Variants in DLGAP2 observed in about 807,000 individuals in gnomAD.
The protein encoded by DLGAP2 is DLG associated protein 2.
Under a neutral mutation model 100.3 loss-of-function variants are expected in DLGAP2, and 26 were observed. The observed-to-expected ratio is 0.26, with a 90% CI of 0.19 to 0.36. The LOEUF (loss-of-function observed/expected upper bound fraction) is 0.36, where lower values mean the gene tolerates loss of function less well. Among genes scored for constraint, DLGAP2 ranks in the 10% least tolerant of loss-of-function variants. DLGAP2 has a pLI of 1.00. For synonymous variants in DLGAP2, 886 were observed against 630.1 expected, an observed-to-expected ratio of 1.41 and a Z score of -6.08; for missense variants, 1,858 against 1,453.2, an observed-to-expected ratio of 1.28 and a Z score of -4.53.
chr8:1,626,302 G>A (rs1449590131), intron 6 of DLGAP2, among the ~76,000 whole-genome samples: 2 of 115,190 alleles, frequency 1.7e-5, no homozygotes, highest in East Asian at 2.5e-4. Flanking sequence ...TCTGCCCTGT[G>A]GTGGGTGCTC....
chr8:1,213,421 A>G (rs1798147031), intron 2 of DLGAP2, among the ~76,000 whole-genome samples: 1 of 152,168 alleles, frequency 6.6e-6, no homozygotes, highest in Non-Finnish European at 1.5e-5. Context: ...ATAAATATTG[A>G]TTTCCTAATA....
At chr8:1,255,161 G>A (rs138572657) in intron 2 of DLGAP2, among the ~76,000 whole-genome samples, 1,028 of 99,910 alleles carry the variant, frequency 0.01, 52 homozygotes, top group African/African-American at 0.043. Flanking sequence ...CTCCTGCCCG[G>A]GTGCTGTGTG....
intron 8 of DLGAP2, among the ~76,000 whole-genome samples, chr8:1,665,150 T>A (rs768198037): frequency 2.0e-5 from 3 of 152,170 alleles, no homozygotes; most frequent in Non-Finnish European, 2.9e-5. Context: ...AGCTGCCCCA[T>A]ACATTTTTTT....
At chr8:1,374,103 A>AAGGCTGTGTAGTGT (rs1280143925) in intron 3 of DLGAP2, among the ~76,000 whole-genome samples, 2 of 89,018 alleles carry the variant, frequency 2.2e-5, no homozygotes, top group South Asian at 3.1e-4. Context: ...AGGTTTGCAG[A>AAGGCTGTGTAGTGT]GGACTGTGTG....
At chr8:1,474,649 G>A (rs571859582) in intron 3 of DLGAP2, among the ~76,000 whole-genome samples, 176 of 152,286 alleles carry the variant, frequency 1.2e-3, no homozygotes, top group Middle Eastern at 3.4e-3. Context: ...AATCATCTGA[G>A]AAATGCAAAT....
intron 3 of DLGAP2, among the ~76,000 whole-genome samples, chr8:1,355,223 G>C (rs1456207544): frequency 6.6e-6 from 1 of 152,280 alleles, no homozygotes; most frequent in East Asian, 1.9e-4. Flanking sequence ...TGGCGTGACA[G>C]CGGTGACACC....
intron 3 of DLGAP2, among the ~76,000 whole-genome samples, chr8:1,263,290 C>T (rs1055351884): frequency 1.3e-5 from 2 of 152,094 alleles, no homozygotes; most frequent in Non-Finnish European, 2.9e-5. Context: ...CTTAAAAAAA[C>T]TAAGTAGTTT....
intron 6 of DLGAP2, among the ~76,000 whole-genome samples, chr8:1,617,525 C>T (rs571807876): frequency 6.6e-6 from 1 of 152,286 alleles, no homozygotes; most frequent in South Asian, 2.1e-4. Context: ...TGTATGTCTT[C>T]GTTTGAAAAG....
chr8:962,690 G>A (rs1033128595), intron 2 of DLGAP2, among the ~76,000 whole-genome samples: 7 of 152,160 alleles, frequency 4.6e-5, no homozygotes, highest in African/African-American at 1.4e-4. Flanking sequence ...ACATCAGATG[G>A]AGCAGAGTGG....
chr8:1,039,059 T>C (rs1389632330), intron 2 of DLGAP2, among the ~76,000 whole-genome samples: 2 of 152,224 alleles, frequency 1.3e-5, no homozygotes, highest in African/African-American at 2.4e-5. Context: ...AGCCCCACTT[T>C]CCTCCTTTAT....
At chr8:1,215,376 GT>G (rs1344791125) in intron 2 of DLGAP2, among the ~76,000 whole-genome samples, 2 of 152,156 alleles carry the variant, frequency 1.3e-5, no homozygotes, top group Non-Finnish European at 2.9e-5. Flanking sequence ...AATCGTGCAG[GT>G]TGAGAGTGGT....
chr8:1,191,229 T>C (rs920901492), intron 2 of DLGAP2, among the ~76,000 whole-genome samples: 1 of 104,756 alleles, frequency 9.5e-6, no homozygotes, highest in African/African-American at 3.3e-5. Flanking sequence ...TGGAGTACAG[T>C]GGCGCGATCT....
chr8:1,455,044 A>G (rs867212459), intron 3 of DLGAP2, among the ~76,000 whole-genome samples: 3 of 151,946 alleles, frequency 2.0e-5, no homozygotes, highest in Admixed American at 6.6e-5. Context: ...GGAGGGGGGG[A>G]TACCGGATGC....
Position 1,339,541 on chromosome 8 carries a change from C to T in DLGAP2, c.106+80658C>T, listed in dbSNP as rs181224063. Reference sequence around the variant, plus strand: ...GACACCCCCAGTGGGAACAAGCTTCCGTGTCACGTAAGTAGTCTTCAGTAT... The same window carrying T: ...GACACCCCCAGTGGGAACAAGCTTCTGTGTCACGTAAGTAGTCTTCAGTAT... On this transcript the variant is annotated intron_variant, in intron 3 of 14. Transcript: ENST00000637795. Among the ~76,000 whole-genome samples, 329 of 152,326 alleles carry T rather than the reference C, an allele frequency of 2.2e-3. 2 individuals carry two copies. Among genetic ancestry groups the T allele is most frequent in the African/African-American group, 7.5e-3 (312 of 41,558 alleles).
chr8:1,608,639 T>A (rs1159786623), intron 6 of DLGAP2, among the ~76,000 whole-genome samples: 17 of 132,918 alleles, frequency 1.3e-4, no homozygotes, highest in African/African-American at 4.5e-4. Context: ...TGGAAAACTT[T>A]GAAAAAAATT....
rs552645447 is a variant in DLGAP2 at position 1,090,345 on chromosome 8, G to A, written c.74-168506G>A. Among the ~76,000 whole-genome samples, 15 of 104,596 alleles carry A rather than the reference G, an allele frequency of 1.4e-4. No individual in the cohort carries two copies. The South Asian group carries it at 3.1e-3, about 22-fold the overall frequency. 68.6% of individuals were successfully genotyped at this position (104,596 alleles called of 152,430 possible). A position where few individuals can be genotyped will look rare whatever the true frequency, so the allele number is the denominator to read the frequency against. On this transcript the variant is annotated intron_variant, in intron 2 of 14. Coordinates refer to ENST00000637795, the MANE Select transcript of DLGAP2 (RefSeq NM_001346810.2). Reference sequence around the variant, plus strand: ...GACCTGCTCCATGTCTGCCCTCTGGGGCCCTCCTGGCCAGGCAGGGGTGGA... The same window carrying A: ...GACCTGCTCCATGTCTGCCCTCTGGAGCCCTCCTGGCCAGGCAGGGGTGGA...
chr8:1,113,042 T>C (rs2129046166), intron 2 of DLGAP2, among the ~76,000 whole-genome samples: 2 of 152,338 alleles, frequency 1.3e-5, no homozygotes, highest in East Asian at 3.9e-4. Flanking sequence ...TTGGGCTGTC[T>C]ATTCGGTTCC....
intron 3 of DLGAP2, among the ~76,000 whole-genome samples, chr8:1,453,070 A>C (rs1160348090): frequency 6.6e-6 from 1 of 152,234 alleles, no homozygotes; most frequent in East Asian, 1.9e-4. Context: ...GCAAATGGAC[A>C]CAAATGACCA....
intron 2 of DLGAP2, among the ~76,000 whole-genome samples, chr8:1,208,166 T>C (rs1474707802): frequency 2.0e-5 from 3 of 152,206 alleles, no homozygotes; most frequent in African/African-American, 7.2e-5. Flanking sequence ...GTTTTTCCAA[T>C]GCCATCTTCT....
Sources: allele counts gnomAD v4.1 joint callset (sites outside exome capture counted in the v4.1 genomes callset), GRCh38; gene constraint gnomAD v4.1.1; transcripts MANE v1.5; gene names NCBI Gene and HGNC (gene_info 2026-07-23, HGNC 2026-07-21).